Variants in VOPP1 observed in about 807,000 individuals in gnomAD.
VOPP1 encodes the protein WW domain binding protein VOPP1.
VOPP1 carries 8 observed loss-of-function variants against 23.5 expected under a neutral mutation model. The observed-to-expected ratio is 0.34, with a 90% CI of 0.20 to 0.61. The LOEUF is 0.61. Ranked by LOEUF, VOPP1 falls within the 20% of genes least tolerant of loss-of-function variation. The pLI is 0.78. For synonymous variants in VOPP1, 83 were observed against 97.3 expected, an observed-to-expected ratio of 0.85 and a Z score of 0.86; for missense variants, 174 against 238.1, an observed-to-expected ratio of 0.73 and a Z score of 1.77.
chr7:55,572,434 C>T lies in VOPP1; in HGVS notation c.-110G>A. ...AGACTGCAGCCGGGAGCCGTCCCGC[C>T]GACCGCTGGGGGGCCCGGCTGGGAG... On this transcript the variant is annotated 5_prime_UTR_variant, in exon 1 of 5. Transcript: ENST00000285279. 2.5e-6 allele frequency: 2 copies of T among 794,680 alleles called. No individual in the cohort carries two copies. Among genetic ancestry groups the T allele is most frequent in the South Asian group, 5.9e-5 (1 of 17,062 alleles). 49.2% of individuals were successfully genotyped at this position (794,680 alleles called of 1,614,324 possible). A position where few individuals can be genotyped will look rare whatever the true frequency, so the allele number is the denominator to read the frequency against.
At chr7:55,485,235 C>T (rs1450311252) in intron 4 of VOPP1, among the ~76,000 whole-genome samples, 4 of 152,206 alleles carry the variant, frequency 2.6e-5, no homozygotes, top group Non-Finnish European at 4.4e-5. Flanking sequence ...CCTAAGCAGC[C>T]AGCCCACCTC....
At chr7:55,468,570 G>A (rs1215012353), downstream of VOPP1, among the ~76,000 whole-genome samples, 4 of 152,252 alleles carry the variant, frequency 2.6e-5, no homozygotes, top group African/African-American at 9.6e-5. Context: ...GGGACCTGAA[G>A]GTTTGTCTGG....
intron 1 of VOPP1, among the ~76,000 whole-genome samples, chr7:55,523,049 C>T (rs759750828): frequency 3.3e-5 from 5 of 152,194 alleles, no homozygotes; most frequent in African/African-American, 7.2e-5. Context: ...TGGTGGGTGT[C>T]TTCTTCTGGG....
chr7:55,465,660 G>A (rs1317926181), downstream of VOPP1, among the ~76,000 whole-genome samples: 1 of 152,226 alleles, frequency 6.6e-6, no homozygotes, highest in Non-Finnish European at 1.5e-5. Flanking sequence ...CTATGTGCAA[G>A]CTTCGTATAA....
chr7:55,482,347 ATTT>A (rs11292753), intron 4 of VOPP1, among the ~76,000 whole-genome samples: 29 of 127,752 alleles, frequency 2.3e-4, no homozygotes, highest in Admixed American at 4.7e-4. Context: ...GAAGGGAGGT[ATTT>A]TTTTTTTTTT....
At chr7:55,570,267 A>T (rs922556693) in intron 1 of VOPP1, among the ~76,000 whole-genome samples, 1 of 152,120 alleles carries the variant, frequency 6.6e-6, no homozygotes, top group African/African-American at 2.4e-5. Flanking sequence ...AATCTCCTTA[A>T]CTCCTCAGAG....
chr7:55,506,997 T>C (rs1190463039), intron 2 of VOPP1, among the ~76,000 whole-genome samples: 1 of 152,184 alleles, frequency 6.6e-6, no homozygotes. Context: ...AGCCTTAATA[T>C]GGCATAACCT....
At chr7:55,494,937 A>G (rs551229079) in intron 3 of VOPP1, among the ~76,000 whole-genome samples, 106 of 152,272 alleles carry the variant, frequency 7.0e-4, no homozygotes, top group African/African-American at 2.4e-3. Context: ...TTGGTTGCTC[A>G]GCAGGTTTTG....
At chr7:55,450,902 G>A (rs992532033) in intron 4 of VOPP1, among the ~76,000 whole-genome samples, 3 of 152,218 alleles carry the variant, frequency 2.0e-5, no homozygotes, top group Admixed American at 2.0e-4. Flanking sequence ...AGTCCAGGGA[G>A]AAAGACAAAG....
chr7:55,435,822 G>A (rs1020447862), downstream of VOPP1, among the ~76,000 whole-genome samples: 8 of 152,184 alleles, frequency 5.3e-5, no homozygotes, highest in African/African-American at 7.2e-5. Flanking sequence ...AAATGCTTAC[G>A]GAGCATCCAC....
chr7:55,527,091 C>CCTGCTCT (rs1796235216), intron 1 of VOPP1: 1 of 152,292 alleles, frequency 6.6e-6, no homozygotes, highest in East Asian at 1.9e-4. Context: ...CAGGGGGTAG[C>CCTGCTCT]CTGCTCAATG....
chr7:55,492,283 T>G lies in VOPP1; in HGVS notation c.327A>C (p.Pro109=), dbSNP rs760299344. ...SYTRQPPNPG[P]GAQQPGPPYY... The stretch of plus-strand genomic sequence containing the variant: ...GAGACAAGGACAGGGCTGGCTGACC[T>G]GGGCCGGGATTTGGGGGCTGCCTGG... Residue 109 remains proline, a splice_region_variant and synonymous_variant, in exon 4 of 5, where the codon CCA becomes CCC. Coordinates refer to ENST00000285279, the MANE Select transcript of VOPP1 (RefSeq NM_030796.5). 1.2e-6 allele frequency: 2 copies of G among 1,609,250 alleles called. No homozygotes were observed. The highest frequency in any genetic ancestry group is 2.7e-5 in the African/African-American group (2 of 74,936).
At chr7:55,457,621 T>G (rs1469534675) in intron 4 of VOPP1, among the ~76,000 whole-genome samples, 1 of 147,282 alleles carries the variant, frequency 6.8e-6, no homozygotes, top group Admixed American at 6.9e-5. Flanking sequence ...TTGCCAGCAT[T>G]TTTTTTTTGG....
chr7:55,557,277 A>T (rs1211147129), intron 1 of VOPP1, among the ~76,000 whole-genome samples: 2 of 152,172 alleles, frequency 1.3e-5, no homozygotes, highest in African/African-American at 2.4e-5. Context: ...AATGGACAGG[A>T]GGGCAGCACG....
At chr7:55,498,254 G>A (rs1794115248) in intron 2 of VOPP1, among the ~76,000 whole-genome samples, 1 of 152,224 alleles carries the variant, frequency 6.6e-6, no homozygotes, top group Admixed American at 6.5e-5. Context: ...CAGGGGCCCT[G>A]CACAGTACTG....
At chr7:55,562,100 A>C in intron 1 of VOPP1, 1 of 702,502 alleles carries the variant, frequency 1.4e-6, no homozygotes, top group East Asian at 2.7e-5. Flanking sequence ...TAATTGTTCG[A>C]AACTCCCTAC....
At chr7:55,493,686 A>G (rs1211989729) in intron 3 of VOPP1, among the ~76,000 whole-genome samples, 1 of 152,180 alleles carries the variant, frequency 6.6e-6, no homozygotes, top group African/African-American at 2.4e-5. Flanking sequence ...ATGAGTAGAC[A>G]GGTGAGGGGC....
At chr7:55,499,537 AG>A (rs1794217909) in intron 2 of VOPP1, among the ~76,000 whole-genome samples, 3 of 152,246 alleles carry the variant, frequency 2.0e-5, no homozygotes. Flanking sequence ...TCTCTCTAGA[AG>A]GGGGAGAAAA....
At chr7:55,537,733 T>C in intron 1 of VOPP1, 3 of 1,404,784 alleles carry the variant, frequency 2.1e-6, no homozygotes, top group East Asian at 5.1e-5. Context: ...AAGCCAGCGC[T>C]TGTGACAGTG....
Sources: allele counts gnomAD v4.1 joint callset (sites outside exome capture counted in the v4.1 genomes callset), GRCh38; gene constraint gnomAD v4.1.1; transcripts MANE v1.5; gene names NCBI Gene and HGNC (gene_info 2026-07-23, HGNC 2026-07-21).